Variants in FANCC observed in about 807,000 individuals in gnomAD.
FANCC encodes Fanconi anemia group C protein.
A neutral mutation model predicts 71.3 loss-of-function variants in FANCC; 55 were observed. That is an observed-to-expected ratio of 0.77 (90% confidence interval 0.62 to 0.97). The LOEUF is 0.97. FANCC is among the 50% of genes least tolerant of loss of function. FANCC has a pLI of 0.00. For missense variants in FANCC, 678 were observed against 670.9 expected, an observed-to-expected ratio of 1.01 and a Z score of -0.12; for synonymous variants, 275 against 244.9, an observed-to-expected ratio of 1.12 and a Z score of -1.15.
At chr9:95,191,485 C>A (rs1165288287) in intron 4 of FANCC, among the ~76,000 whole-genome samples, 2 of 151,974 alleles carry the variant, frequency 1.3e-5, no homozygotes, top group Non-Finnish European at 2.9e-5. Context: ...GGCTACCACA[C>A]CTGGCCAGCA....
At chr9:95,201,209 A>AT (rs1827785261) in intron 4 of FANCC, among the ~76,000 whole-genome samples, 1 of 152,002 alleles carries the variant, frequency 6.6e-6, no homozygotes, top group African/African-American at 2.4e-5. Flanking sequence ...CAATAAAAAA[A>AT]ATTTTTTTTT....
intron 7 of FANCC, among the ~76,000 whole-genome samples, chr9:95,138,192 G>A (rs1450736228): frequency 2.0e-5 from 3 of 152,246 alleles, no homozygotes; most frequent in Non-Finnish European, 4.4e-5. Flanking sequence ...CTCGCAGCTG[G>A]TAACACTTGA....
At chr9:95,160,559 GT>G (rs1391496226) in intron 6 of FANCC, among the ~76,000 whole-genome samples, 1 of 152,138 alleles carries the variant, frequency 6.6e-6, no homozygotes, top group East Asian at 1.9e-4. Flanking sequence ...TTCCAATTCT[GT>G]GAAGAAAGTC....
At chr9:95,283,151 T>G (rs1833469123) in intron 1 of FANCC, among the ~76,000 whole-genome samples, 1 of 152,340 alleles carries the variant, frequency 6.6e-6, no homozygotes, top group South Asian at 2.1e-4. Context: ...GGCACAATCA[T>G]AGCTCACTAC....
intron 1 of FANCC, among the ~76,000 whole-genome samples, chr9:95,307,993 C>T (rs145628463): frequency 2.5e-4 from 38 of 152,364 alleles, no homozygotes; most frequent in African/African-American, 8.9e-4. Flanking sequence ...GGGCCAAACT[C>T]GCTTTTATAA....
intron 4 of FANCC, among the ~76,000 whole-genome samples, chr9:95,212,175 G>C (rs927565155): frequency 1.3e-5 from 2 of 152,016 alleles, no homozygotes; most frequent in African/African-American, 4.8e-5. Context: ...AGGAAAGGGG[G>C]TACAGGACAG....
chr9:95,200,957 G>T (rs1827768557), intron 4 of FANCC, among the ~76,000 whole-genome samples: 2 of 152,152 alleles, frequency 1.3e-5, no homozygotes, highest in Admixed American at 1.3e-4. Context: ...CAGATAAAAA[G>T]CACTCTCCAG....
At chr9:95,205,306 AT>A (rs1828054401) in intron 4 of FANCC, among the ~76,000 whole-genome samples, 2 of 152,116 alleles carry the variant, frequency 1.3e-5, no homozygotes, top group Non-Finnish European at 1.5e-5. Flanking sequence ...CATTTAAAGT[AT>A]TTTTTTACAT....
At chr9:95,115,401 C>T (rs1207782058) in intron 11 of FANCC, among the ~76,000 whole-genome samples, 1 of 152,142 alleles carries the variant, frequency 6.6e-6, no homozygotes, top group South Asian at 2.1e-4. Flanking sequence ...TAGACGGAGA[C>T]TGTAGTAAAG....
At chr9:95,291,289 A>G (rs1204057384) in intron 1 of FANCC, among the ~76,000 whole-genome samples, 1 of 152,204 alleles carries the variant, frequency 6.6e-6, no homozygotes, top group Non-Finnish European at 1.5e-5. Context: ...TAAACTGTCT[A>G]TGTTTACAGA....
intron 1 of FANCC, among the ~76,000 whole-genome samples, chr9:95,251,097 C>G (rs1831302858): frequency 6.6e-6 from 1 of 152,188 alleles, no homozygotes; most frequent in South Asian, 2.1e-4. Flanking sequence ...TCTGCTGATT[C>G]CAGTTAATTA....
intron 1 of FANCC, among the ~76,000 whole-genome samples, chr9:95,267,629 C>T (rs1261683831): frequency 6.6e-6 from 1 of 152,012 alleles, no homozygotes; most frequent in Admixed American, 6.6e-5. Context: ...GTTAATCAGT[C>T]CAACAAATAG....
intron 3 of FANCC, among the ~76,000 whole-genome samples, chr9:95,241,931 A>T (rs1447751404): frequency 1.3e-5 from 2 of 152,190 alleles, no homozygotes; most frequent in Non-Finnish European, 2.9e-5. Flanking sequence ...AAGTGCTGGG[A>T]TCACAGGCAT....
Position 95,289,962 on chromosome 9 carries a change from C to T in FANCC, c.-79+27564G>A, listed in dbSNP as rs988202943. Among the ~76,000 whole-genome samples, 19 of 152,142 alleles carry T rather than the reference C, an allele frequency of 1.2e-4. 1 individual carries two copies. The highest frequency in any genetic ancestry group is 4.3e-4 in the African/African-American group (18 of 41,434). On this transcript the variant is annotated intron_variant, in intron 1 of 14. Transcript: ENST00000289081. ...ACATGATCCATTGTGCCCAGCCACA[C>T]GTTTTAGAATAGAAATCAGACATGC...
intron 1 of FANCC, among the ~76,000 whole-genome samples, chr9:95,251,540 TCCTG>T (rs1216286101): frequency 5.3e-5 from 8 of 152,130 alleles, no homozygotes; most frequent in Admixed American, 1.3e-4. Context: ...GGTCTCGACC[TCCTG>T]ACCTCAAGTG....
At chr9:95,158,470 T>G (rs950079553) in intron 6 of FANCC, among the ~76,000 whole-genome samples, 1 of 152,124 alleles carries the variant, frequency 6.6e-6, no homozygotes, top group Admixed American at 6.5e-5. Context: ...AGGTGAATAT[T>G]TGAGGAGAAA....
At chr9:95,242,409 C>T (rs1402381818) in intron 3 of FANCC, among the ~76,000 whole-genome samples, 3 of 149,028 alleles carry the variant, frequency 2.0e-5, no homozygotes, top group Non-Finnish European at 4.4e-5. Flanking sequence ...GGCATCCTTA[C>T]GCATGCAGCA....
chr9:95,113,691 T>C (rs7874310), intron 12 of FANCC: 74,499 of 150,562 alleles, frequency 0.49, 19,109 homozygotes, highest in African/African-American at 0.62. Context: ...GGCACGATCT[T>C]GGCTCACTGC....
chr9:95,260,410 A>C (rs563535678), intron 1 of FANCC, among the ~76,000 whole-genome samples: 81 of 152,328 alleles, frequency 5.3e-4, no homozygotes, highest in African/African-American at 1.9e-3. Flanking sequence ...TGAAGCCGGA[A>C]GCCGTCATTC....
Sources: allele counts gnomAD v4.1 joint callset (sites outside exome capture counted in the v4.1 genomes callset), GRCh38; gene constraint gnomAD v4.1.1; transcripts MANE v1.5; gene names NCBI Gene and HGNC (gene_info 2026-07-23, HGNC 2026-07-21).